GPR158: variants seen among roughly 807,000 people sequenced by gnomAD.
The protein encoded by GPR158 is G protein-coupled receptor 158.
In GPR158, 30 loss-of-function variants were observed where a neutral mutation model predicts 78.2. That is an observed-to-expected ratio of 0.38 (90% CI 0.29 to 0.52). The LOEUF (loss-of-function observed/expected upper bound fraction) is 0.52. Ranked by LOEUF, GPR158 falls within the 20% of genes least tolerant of loss-of-function variation. The pLI, the probability that GPR158 is intolerant of heterozygous loss-of-function variation, is 0.83. For synonymous variants in GPR158, 581 were observed against 591.1 expected, an observed-to-expected ratio of 0.98 and a Z score of 0.25; for missense variants, 1,463 against 1,523.5, an observed-to-expected ratio of 0.96 and a Z score of 0.66.
intron 3 of GPR158, among the ~76,000 whole-genome samples, chr10:25,398,727 T>C (rs1834400992): frequency 6.6e-6 from 1 of 152,222 alleles, no homozygotes; most frequent in Non-Finnish European, 1.5e-5. Context: ...TCCCATGTTA[T>C]ACCCATTGCA....
At chr10:25,409,472 A>C (rs1834557754) in intron 3 of GPR158, among the ~76,000 whole-genome samples, 1 of 152,154 alleles carries the variant, frequency 6.6e-6, no homozygotes, top group South Asian at 2.1e-4. Context: ...ATGTATTCTT[A>C]TCTGCTTTGT....
At chr10:25,306,462 T>C (rs918464191) in intron 2 of GPR158, among the ~76,000 whole-genome samples, 4 of 150,390 alleles carry the variant, frequency 2.7e-5, no homozygotes, top group African/African-American at 4.9e-5. Context: ...ACAGAGTCGA[T>C]TGGAGAATAC....
chr10:25,543,313 G>A (rs1011029229), intron 5 of GPR158, among the ~76,000 whole-genome samples: 2 of 151,942 alleles, frequency 1.3e-5, no homozygotes, highest in East Asian at 1.9e-4. Context: ...TAGAGGTAGG[G>A]TTTCACCATG....
chr10:25,206,488 A>G (rs1430799223), intron 1 of GPR158, among the ~76,000 whole-genome samples: 1 of 152,164 alleles, frequency 6.6e-6, no homozygotes, highest in Non-Finnish European at 1.5e-5. Flanking sequence ...TCACTTGGAA[A>G]TTATAAAAAA....
intron 4 of GPR158, among the ~76,000 whole-genome samples, chr10:25,447,795 T>C (rs935719603): frequency 7.9e-5 from 12 of 152,204 alleles, no homozygotes; most frequent in Admixed American, 6.5e-4. Flanking sequence ...ATCCTTTATT[T>C]TTTATGGAAG....
chr10:25,451,669 A>AT (rs1227207437), intron 4 of GPR158, among the ~76,000 whole-genome samples: 1 of 151,894 alleles, frequency 6.6e-6, no homozygotes, highest in African/African-American at 2.4e-5. Flanking sequence ...TTGGCCATAT[A>AT]TTTTTTTTAA....
At chr10:25,217,533 C>T (rs1588740518) in intron 1 of GPR158, among the ~76,000 whole-genome samples, 1 of 152,144 alleles carries the variant, frequency 6.6e-6, no homozygotes, top group Non-Finnish European at 1.5e-5. Context: ...TTACTTGGAG[C>T]AATGCCAAAC....
At chr10:25,239,574 C>T (rs1041375023) in intron 2 of GPR158, among the ~76,000 whole-genome samples, 2 of 148,336 alleles carry the variant, frequency 1.3e-5, no homozygotes. Context: ...CACCACAGAA[C>T]TTCAGCTTGG....
intron 5 of GPR158, among the ~76,000 whole-genome samples, chr10:25,494,353 AT>A (rs1279223089): frequency 6.6e-6 from 1 of 152,174 alleles, no homozygotes; most frequent in African/African-American, 2.4e-5. Flanking sequence ...TTATCATAAA[AT>A]TTTATTATGT....
intron 1 of GPR158, among the ~76,000 whole-genome samples, chr10:25,209,782 G>T (rs961116997): frequency 1.3e-5 from 2 of 152,148 alleles, no homozygotes; most frequent in Non-Finnish European, 2.9e-5. Context: ...AAATAACCTA[G>T]ATTGTCTGCT....
intron 5 of GPR158, among the ~76,000 whole-genome samples, chr10:25,467,104 A>C (rs1368457558): frequency 6.6e-6 from 1 of 152,136 alleles, no homozygotes; most frequent in Non-Finnish European, 1.5e-5. Flanking sequence ...GATTCGAGCA[A>C]TACGTTGGTT....
chr10:25,190,768 G>T (rs1328865015), intron 1 of GPR158, among the ~76,000 whole-genome samples: 3 of 152,124 alleles, frequency 2.0e-5, no homozygotes, highest in Admixed American at 6.6e-5. Context: ...TGATAAAAAA[G>T]AATGTTTAAG....
chr10:25,461,373 T>C (rs1290145999), intron 4 of GPR158, among the ~76,000 whole-genome samples: 2 of 152,142 alleles, frequency 1.3e-5, no homozygotes, highest in African/African-American at 4.8e-5. Context: ...TTATTGCTGA[T>C]ATGGAGAAAG....
intron 4 of GPR158, among the ~76,000 whole-genome samples, chr10:25,443,554 CAAA>C (rs67094533): frequency 2.4e-4 from 26 of 107,574 alleles, no homozygotes; most frequent in South Asian, 9.4e-4. Context: ...GAGACTGTTT[CAAA>C]AAAAAAAAAA....
chr10:25,505,036 G>T (rs1472538434), intron 5 of GPR158, among the ~76,000 whole-genome samples: 1 of 152,122 alleles, frequency 6.6e-6, no homozygotes, highest in Non-Finnish European at 1.5e-5. Context: ...CTGTAAAATG[G>T]GGGCAGTAAT....
intron 4 of GPR158, among the ~76,000 whole-genome samples, chr10:25,445,630 A>G (rs1200861008): frequency 6.6e-6 from 1 of 152,166 alleles, no homozygotes; most frequent in East Asian, 1.9e-4. Context: ...AGGAGAAATG[A>G]TGAAAAGCAT....
chr10:25,368,299 A>G (rs953964757), intron 2 of GPR158, among the ~76,000 whole-genome samples: 11 of 151,780 alleles, frequency 7.2e-5, no homozygotes, highest in African/African-American at 2.4e-4. Context: ...TTTTTAGAGT[A>G]AACAGACAAC....
intron 3 of GPR158, among the ~76,000 whole-genome samples, chr10:25,404,981 A>G (rs1834492441): frequency 6.6e-6 from 1 of 152,118 alleles, no homozygotes; most frequent in Admixed American, 6.6e-5. Flanking sequence ...TGCAATTCAT[A>G]TGTTCCAAAA....
At chr10:25,361,478 T>A (rs78246778) in intron 2 of GPR158, among the ~76,000 whole-genome samples, 2,548 of 152,036 alleles carry the variant, frequency 0.017, 67 homozygotes, top group African/African-American at 0.05. Context: ...GATCATATGG[T>A]AATTATATTT....
Sources: allele counts gnomAD v4.1 joint callset (sites outside exome capture counted in the v4.1 genomes callset), GRCh38; gene constraint gnomAD v4.1.1; transcripts MANE v1.5; gene names NCBI Gene and HGNC (gene_info 2026-07-23, HGNC 2026-07-21).